ANKFN1: variants seen among roughly 807,000 people sequenced by gnomAD.
The protein encoded by ANKFN1 is ankyrin repeat and fibronectin type-III domain-containing protein 1.
Under a neutral mutation model 108.7 loss-of-function variants are expected in ANKFN1, and 74 were observed. That is an observed-to-expected ratio of 0.68 (90% CI 0.56 to 0.83). ANKFN1 has a LOEUF of 0.83. Among genes scored for constraint, ANKFN1 ranks in the 40% least tolerant of loss-of-function variants. The pLI is 0.00. For synonymous variants in ANKFN1, 547 were observed against 516.2 expected, an observed-to-expected ratio of 1.06 and a Z score of -0.81; for missense variants, 1,505 against 1,382.3, an observed-to-expected ratio of 1.09 and a Z score of -1.41.
At chr17:56,334,406 G>A (rs930627430) in intron 4 of ANKFN1, among the ~76,000 whole-genome samples, 1 of 152,032 alleles carries the variant, frequency 6.6e-6, no homozygotes, top group African/African-American at 2.4e-5. Context: ...TCTTGATTGT[G>A]ACAAATGGTT....
At chr17:56,355,942 C>G (rs986029505) in intron 6 of ANKFN1, among the ~76,000 whole-genome samples, 1 of 152,094 alleles carries the variant, frequency 6.6e-6, no homozygotes, top group Admixed American at 6.6e-5. Flanking sequence ...TATTATCACT[C>G]CCCAATCTCC....
intron 3 of ANKFN1, among the ~76,000 whole-genome samples, chr17:56,313,584 C>T (rs1023856532): frequency 6.6e-6 from 1 of 152,194 alleles, no homozygotes; most frequent in Admixed American, 6.5e-5. Flanking sequence ...CCTGGGTTCA[C>T]ATCCTGGGAT....
intron 14 of ANKFN1, among the ~76,000 whole-genome samples, chr17:56,464,948 G>T (rs532683056): frequency 2.0e-5 from 3 of 152,278 alleles, no homozygotes; most frequent in South Asian, 2.1e-4. Context: ...GAGCCAACCT[G>T]TACTGGCCCG....
intron 1 of ANKFN1, among the ~76,000 whole-genome samples, chr17:56,162,976 A>T (rs1909801500): frequency 6.6e-6 from 1 of 151,766 alleles, no homozygotes; most frequent in Admixed American, 6.6e-5. Context: ...CAGAGGTTGC[A>T]GTGAGCCGAG....
intron 19 of ANKFN1, among the ~76,000 whole-genome samples, chr17:56,494,559 T>A (rs1305566323): frequency 6.6e-6 from 1 of 152,062 alleles, no homozygotes; most frequent in African/African-American, 2.4e-5. Context: ...AGACTCCATC[T>A]CTATTAAATA....
intron 13 of ANKFN1, 107 bp downstream of exon 13, chr17:56,457,496 A>G: frequency 7.8e-7 from 1 of 1,274,062 alleles, no homozygotes; most frequent in Non-Finnish European, 1.1e-6. Flanking sequence ...GTTTTGGGGT[A>G]GAAATAAAGT....
chr17:56,214,758 G>T (rs543259109), intron 2 of ANKFN1, among the ~76,000 whole-genome samples: 3 of 152,178 alleles, frequency 2.0e-5, no homozygotes, highest in African/African-American at 7.2e-5. Flanking sequence ...CAGACCTCTG[G>T]AATATTTAAC....
chr17:56,139,833 C>T (rs1441649583), intron 4 of ANKFN1, among the ~76,000 whole-genome samples: 1 of 152,112 alleles, frequency 6.6e-6, no homozygotes. Context: ...CCTTGGTTTC[C>T]ACAGTGTTAC....
At position 56,167,306 on chromosome 17, in the gene ANKFN1, C is replaced by T. The variant is rs201440432; in HGVS notation, c.-71+13776C>T. ...ATATATACACACACATACATATATA[C>T]ACACACACACACATATATATATATA... On this transcript the variant is annotated intron_variant, in intron 1 of 20. Transcript: ENST00000682825. 2.4e-3 allele frequency among the ~76,000 whole-genome samples: 194 copies of T among 79,362 alleles called. 1 individual carries two copies. Among genetic ancestry groups the T allele is most frequent in the African/African-American group, 9.8e-3 (177 of 18,104 alleles). 52.1% of individuals were successfully genotyped at this position (79,362 alleles called of 152,430 possible).
rs2049153701 is a variant in ANKFN1 at position 56,442,845 on chromosome 17, C to A, written c.1011C>A (p.Gly337=). 6.2e-7 allele frequency: 1 copy of A among 1,613,276 alleles called. No individual in the cohort carries two copies. The highest frequency in any genetic ancestry group is 8.5e-7 in the Non-Finnish European group (1 of 1,179,432). ...LRCTITGLTM[G]QQYFVQVSAY... ...TGCATCATTTCAATACTTTGCAGGGCCAACAGTATTTTGTTCAAGTCTCGG... is the reference window on the plus strand; with the variant it reads ...TGCATCATTTCAATACTTTGCAGGGACAACAGTATTTTGTTCAAGTCTCGG... Residue 337 remains glycine, a splice_region_variant and synonymous_variant, in exon 10 of 21, where the codon GGC becomes GGA. Coordinates refer to ENST00000682825, the MANE Select transcript of ANKFN1 (RefSeq NM_001370326.1).
At chr17:56,357,901 C>T (rs1322766993) in intron 6 of ANKFN1, among the ~76,000 whole-genome samples, 4 of 152,132 alleles carry the variant, frequency 2.6e-5, no homozygotes, top group Non-Finnish European at 5.9e-5. Flanking sequence ...GTGAGGGAGA[C>T]GTTGTTTTCT....
intron 4 of ANKFN1, among the ~76,000 whole-genome samples, chr17:56,056,323 T>C (rs1904876407): frequency 6.7e-6 from 1 of 150,134 alleles, no homozygotes; most frequent in Non-Finnish European, 1.5e-5. Flanking sequence ...AAAAACAATT[T>C]TAAAGTTCAC....
intron 4 of ANKFN1, among the ~76,000 whole-genome samples, chr17:56,095,406 C>T (rs1294018043): frequency 6.6e-6 from 1 of 150,896 alleles, no homozygotes; most frequent in Non-Finnish European, 1.5e-5. Context: ...ATCCTCCTAC[C>T]TCAGCCTCTC....
intron 8 of ANKFN1, among the ~76,000 whole-genome samples, chr17:56,415,665 A>T (rs953135967): frequency 1.3e-5 from 2 of 152,178 alleles, no homozygotes; most frequent in Non-Finnish European, 2.9e-5. Context: ...ATTCAATGCA[A>T]TCCCTATCAA....
intron 4 of ANKFN1, among the ~76,000 whole-genome samples, chr17:56,333,686 G>A (rs1026747744): frequency 1.3e-5 from 2 of 151,848 alleles, no homozygotes; most frequent in South Asian, 4.1e-4. Flanking sequence ...GGCAGTACTA[G>A]CCTTGAAAAT....
chr17:56,366,120 A>G (rs2046655036), intron 6 of ANKFN1, among the ~76,000 whole-genome samples: 1 of 152,170 alleles, frequency 6.6e-6, no homozygotes, highest in African/African-American at 2.4e-5. Context: ...GGCGTAGGCT[A>G]GTGTGTGTGT....
chr17:56,088,328 A>T (rs1414050378), intron 4 of ANKFN1, among the ~76,000 whole-genome samples: 1 of 151,228 alleles, frequency 6.6e-6, no homozygotes, highest in African/African-American at 2.4e-5. Flanking sequence ...GGAAAAATTT[A>T]AAACTCCTTA....
Position 56,063,080 on chromosome 17 carries a change from T to C in ANKFN1, c.288+16755T>C, listed in dbSNP as rs192643987. On this transcript the variant is annotated intron_variant, in intron 4 of 12. Coordinates refer to the ANKFN1 transcript ENST00000635860. ...CCAATCTCTTCTGGCTTGTAGAGTT[T>C]CTGCTGAGAGGTCCACTGTTAGTCT... Among the ~76,000 whole-genome samples, 73 of 152,356 alleles carry C rather than the reference T, an allele frequency of 4.8e-4. 1 individual carries two copies. The East Asian group carries it at 0.013, about 27-fold the overall frequency.
chr17:56,481,489 A>AAC (rs57493335), intron 17 of ANKFN1, among the ~76,000 whole-genome samples: 79,791 of 148,970 alleles, frequency 0.54, 24,607 homozygotes, highest in East Asian at 0.86. Flanking sequence ...CCCTCCCCAA[A>AAC]ACACACACAC....
Sources: allele counts gnomAD v4.1 joint callset (sites outside exome capture counted in the v4.1 genomes callset), GRCh38; gene constraint gnomAD v4.1.1; transcripts MANE v1.5; gene names NCBI Gene and HGNC (gene_info 2026-07-23, HGNC 2026-07-21).